Variants in ATP2B3 observed in about 807,000 individuals in gnomAD.
The protein encoded by ATP2B3 is ATPase plasma membrane Ca2+ transporting 3, also known as plasma membrane calcium-transporting ATPase 3.
ATP2B3 carries 12 observed loss-of-function variants against 70.8 expected under a neutral mutation model. The observed-to-expected ratio is 0.17, with a 90% CI of 0.11 to 0.27. The LOEUF is 0.27. ATP2B3 is among the 10% of genes least tolerant of loss of function. ATP2B3 has a pLI of 1.00. For synonymous variants in ATP2B3, 460 were observed against 497.8 expected, an observed-to-expected ratio of 0.92 and a Z score of 1.01; for missense variants, 858 against 1,118.5, an observed-to-expected ratio of 0.77 and a Z score of 3.32.
rs782601191 is a variant in ATP2B3, at chrX:153,550,073, G to A, written c.1610G>A (p.Arg537His). 16 of 1,210,480 alleles carry A rather than the reference G, an allele frequency of 1.3e-5. No homozygotes were observed. The highest frequency in any genetic ancestry group is 3.5e-5 in the African/African-American group (2 of 57,670). Residue 537 changes from arginine (R) to histidine (H), a missense_variant, in exon 12 of 22, where the codon CGC (arginine) becomes CAC (histidine). By Grantham distance (29) the Arg-to-His change is conservative (BLOSUM62 0). Coordinates refer to ENST00000263519, the MANE Select transcript of ATP2B3 (RefSeq NM_001001344.3). ...LPPEKEGALP[R>H]QVGNKTECAL... ...CCTGAGAAGGAAGGCGCCCTCCCACGCCAGGTGGGCAATAAGACGGAGTGC... is the reference window on the plus strand; with the variant it reads ...CCTGAGAAGGAAGGCGCCCTCCCACACCAGGTGGGCAATAAGACGGAGTGC...
chrX:153,554,240 G>T (rs1273653351), intron 13 of ATP2B3, among the ~76,000 whole-genome samples: 4 of 113,350 alleles, frequency 3.5e-5, no homozygotes, highest in Non-Finnish European at 7.5e-5. Flanking sequence ...GAAGTCCAGC[G>T]AGGGAAATGG....
At chrX:153,546,039 A>G (rs1199971727) in intron 7 of ATP2B3, 49 bp from the exon 8 acceptor site, 3 of 1,199,941 alleles carry the variant, frequency 2.5e-6, no homozygotes, top group Non-Finnish European at 3.4e-6. Context: ...CGCGGCCCCC[A>G]GGCTGGTGTC....
Position 153,580,547 on chromosome X carries a change from G to A in ATP2B3, c.*249G>A. 8.8e-6 allele frequency: 3 copies of A among 340,761 alleles called. No individual in the cohort carries two copies. The highest frequency in any genetic ancestry group is 1.0e-5 in the Non-Finnish European group (2 of 195,667). The allele number at this position is 340,761 out of a possible 1,213,427, so 28.1% of individuals were successfully genotyped here. On this transcript the variant is annotated 3_prime_UTR_variant, in exon 22 of 22. Transcript: ENST00000263519. ...ACAGGGAGGAGGAAAAGGAGGAAGA[G>A]GAGGACAAAAAGGGGGAGGAGAAGG...
chrX:153,540,474 T>C (rs781975180), intron 3 of ATP2B3, among the ~76,000 whole-genome samples: 2 of 112,116 alleles, frequency 1.8e-5, no homozygotes, highest in East Asian at 5.6e-4. Context: ...CCATTAGCTC[T>C]CATGCTCCCT....
intron 21 of ATP2B3, among the ~76,000 whole-genome samples, chrX:153,568,639 G>T (rs1311984287): frequency 2.7e-5 from 3 of 112,155 alleles, no homozygotes; most frequent in Admixed American, 9.4e-5. Context: ...TGGGCGGAAG[G>T]GGACTGGGCA....
intron 2 of ATP2B3, among the ~76,000 whole-genome samples, chrX:153,529,817 T>C (rs782114725): frequency 5.4e-5 from 6 of 111,553 alleles, no homozygotes; most frequent in Admixed American, 1.9e-4. Flanking sequence ...TCCTACAGTG[T>C]TGGCCTCTCT....
At chrX:153,552,954 GC>G in intron 12 of ATP2B3, 80 bp from the exon 13 acceptor site, 1 of 876,468 alleles carries the variant, frequency 1.1e-6, no homozygotes, top group Non-Finnish European at 1.6e-6. Context: ...CCTTGACTAA[GC>G]CCCCAATCCA....
intron 8 of ATP2B3, among the ~76,000 whole-genome samples, chrX:153,547,107 G>A (rs923919913): frequency 4.5e-4 from 50 of 111,691 alleles, no homozygotes; most frequent in African/African-American, 1.6e-3. Flanking sequence ...TCGCTGCGTC[G>A]GTCCCGGGGC....
chrX:153,548,740 G>A lies in ATP2B3; in HGVS notation c.1224G>A (p.Pro408=), dbSNP rs76234948. 2,898 of 1,209,509 alleles carry A rather than the reference G, an allele frequency of 2.4e-3. 49 individuals are homozygous for A. In the African/African-American group the frequency reaches 0.045, roughly 19 times the overall value. The stretch of plus-strand genomic sequence containing the variant: ...GGACATGGCTGGCAGAGTGCACGCC[G>A]GTCTATGTACAATACTTCGTGAAGT... ...EGRTWLAECT[P]VYVQYFVKFF... Residue 408 remains proline (P), a synonymous_variant, in exon 10 of 22, where the codon CCG becomes CCA. Coordinates refer to ENST00000263519, the MANE Select transcript of ATP2B3 (RefSeq NM_001001344.3).
intron 2 of ATP2B3, among the ~76,000 whole-genome samples, 86 bp downstream of exon 2, chrX:153,518,637 G>A (rs1024745606): frequency 3.8e-4 from 42 of 111,195 alleles, no homozygotes; most frequent in African/African-American, 1.3e-3. Context: ...CTGGGGGTTG[G>A]TGGCTCAGCC....
chrX:153,574,871 TCA>T (rs1557020902), intron 21 of ATP2B3: 4 of 329,046 alleles, frequency 1.2e-5, no homozygotes, highest in Admixed American at 9.4e-5. Flanking sequence ...CCGCTTTGGC[TCA>T]GTGTGGCCAG....
intron 2 of ATP2B3, among the ~76,000 whole-genome samples, chrX:153,524,091 ATT>A (rs11340403): frequency 0.072 from 7,599 of 105,096 alleles, 282 homozygotes; most frequent in African/African-American, 0.14. Flanking sequence ...GTTCTTTGCC[ATT>A]TTTTTTTTTC....
At chrX:153,538,398 C>A (rs1208972911) in intron 3 of ATP2B3, among the ~76,000 whole-genome samples, 2 of 112,950 alleles carry the variant, frequency 1.8e-5, no homozygotes, top group Non-Finnish European at 3.8e-5. Context: ...TCTGGCGGTA[C>A]ACTCATCAAT....
intron 2 of ATP2B3, among the ~76,000 whole-genome samples, chrX:153,531,024 T>C (rs971804067): frequency 2.7e-5 from 3 of 111,492 alleles, no homozygotes; most frequent in African/African-American, 6.5e-5. Flanking sequence ...GCCTTGTCCT[T>C]GGAACCCTCC....
rs781899411 is a variant in ATP2B3, at chrX:153,547,974, G to A, written c.1098G>A (p.Lys366=). 4 of 1,206,518 alleles carry A rather than the reference G, an allele frequency of 3.3e-6. No individual in the cohort carries two copies. The highest frequency in any genetic ancestry group is 3.4e-6 in the Non-Finnish European group (3 of 892,963). Residue 366 remains lysine, a synonymous_variant, in exon 9 of 22, where the codon AAG becomes AAA. Transcript: ENST00000263519. ...CTGTCCTTCAGGGGAAGCTCACAAAGCTAGCCGTGCAGATCGGGAAAGCAG... is the reference window on the plus strand; with the variant it reads ...CTGTCCTTCAGGGGAAGCTCACAAAACTAGCCGTGCAGATCGGGAAAGCAG... ...EKSVLQGKLT[K]LAVQIGKAGL...
chrX:153,554,046 C>T lies in ATP2B3; in HGVS notation c.2058+777C>T, dbSNP rs1183479833. On this transcript the variant is annotated intron_variant, in intron 13 of 21. Coordinates refer to ENST00000263519, the MANE Select transcript of ATP2B3 (RefSeq NM_001001344.3). ...TCTGGGCTCTCCTTCGGGAGACAGG[C>T]ATTCATGTATTGGATCATGTAGCAA... Among the ~76,000 whole-genome samples the T allele has an allele frequency of 4.4e-5, 5 of 113,773 alleles. No individual in the cohort carries two copies. The Admixed American group carries it at 4.6e-4, about 10-fold the overall frequency.
chrX:153,542,882 T>C (rs1226836987), intron 6 of ATP2B3, among the ~76,000 whole-genome samples, 161 bp from the exon 7 acceptor site: 3 of 113,253 alleles, frequency 2.6e-5, no homozygotes, highest in African/African-American at 9.6e-5. Flanking sequence ...CCTGTGGGCC[T>C]CGGGGTCTCC....
chrX:153,526,244 G>A (rs942861218), intron 2 of ATP2B3, among the ~76,000 whole-genome samples: 4 of 112,246 alleles, frequency 3.6e-5, no homozygotes, highest in Non-Finnish European at 7.5e-5. Context: ...TGAGCACAGA[G>A]GGGGCGGGAG....
At chrX:153,577,529 C>T (rs73247609) in intron 21 of ATP2B3, among the ~76,000 whole-genome samples, 5,890 of 112,346 alleles carry the variant, frequency 0.052, 134 homozygotes, top group African/African-American at 0.08. Context: ...CCAGAAAAGG[C>T]CTAAATAATG....
Sources: allele counts gnomAD v4.1 joint callset (sites outside exome capture counted in the v4.1 genomes callset), GRCh38; gene constraint gnomAD v4.1.1; transcripts MANE v1.5; gene names NCBI Gene and HGNC (gene_info 2026-07-23, HGNC 2026-07-21).